The following TP63 variants were observed in gnomAD, a reference collection of about 807,000 sequenced individuals.
The protein encoded by TP63 is tumor protein p63.
A neutral mutation model predicts 82.8 loss-of-function variants in TP63; 17 were observed. That is an observed-to-expected ratio of 0.21 (90% CI 0.14 to 0.31). The LOEUF (loss-of-function observed/expected upper bound fraction) is 0.31. Ranked by LOEUF, TP63 falls within the 10% of genes least tolerant of loss-of-function variation. TP63 has a pLI of 1.00. For missense variants in TP63, 648 were observed against 895.3 expected, an observed-to-expected ratio of 0.72 and a Z score of 3.52; for synonymous variants, 330 against 321.7, an observed-to-expected ratio of 1.03 and a Z score of -0.28.
intron 4 of TP63, among the ~76,000 whole-genome samples, chr3:189,862,345 T>G (rs1265352070): frequency 6.6e-6 from 1 of 152,064 alleles, no homozygotes; most frequent in Non-Finnish European, 1.5e-5. Flanking sequence ...AAAATTAGAT[T>G]CCCACCCCCA....
At chr3:189,661,122 G>A (rs1298595149) in intron 1 of TP63, among the ~76,000 whole-genome samples, 2 of 151,996 alleles carry the variant, frequency 1.3e-5, no homozygotes, top group African/African-American at 2.4e-5. Flanking sequence ...AATAGAAGTA[G>A]TGAGAGTAAG....
intron 4 of TP63, chr3:189,844,439 C>T (rs1181834249): frequency 6.7e-6 from 2 of 296,684 alleles, no homozygotes; most frequent in South Asian, 5.3e-5. Context: ...ACATGTGACA[C>T]CACACCCAGC....
chr3:189,693,095 ATATCT>A (rs1273422375), intron 1 of TP63, among the ~76,000 whole-genome samples: 44 of 152,304 alleles, frequency 2.9e-4, no homozygotes, highest in African/African-American at 1.0e-3. Context: ...CCTTTGGCTT[ATATCT>A]TATCTCAAGC....
chr3:189,886,594 C>T (rs923170866), intron 11 of TP63, 43 bp downstream of exon 11: 2 of 1,610,952 alleles, frequency 1.2e-6, no homozygotes, highest in East Asian at 2.2e-5. Context: ...GATGAACAGG[C>T]TAGCTTAGGA....
chr3:189,715,956 T>C (rs776966758), intron 1 of TP63, among the ~76,000 whole-genome samples: 6 of 152,198 alleles, frequency 3.9e-5, no homozygotes, highest in East Asian at 3.8e-4. Context: ...TTAGCTTAGA[T>C]AGTGATAACA....
chr3:189,740,417 T>A (rs6765015), intron 3 of TP63, among the ~76,000 whole-genome samples: 61,046 of 151,684 alleles, frequency 0.4, 12,414 homozygotes, highest in African/African-American at 0.41. Flanking sequence ...CTCATAAAAG[T>A]TGGCAAAAAG....
At chr3:189,851,928 T>C (rs1715689159) in intron 4 of TP63, among the ~76,000 whole-genome samples, 2 of 151,962 alleles carry the variant, frequency 1.3e-5, no homozygotes, top group Admixed American at 1.3e-4. Flanking sequence ...GAGTATCTGG[T>C]GAGGAGGACG....
intron 1 of TP63, among the ~76,000 whole-genome samples, chr3:189,696,821 T>G (rs188924823): frequency 3.0e-4 from 45 of 152,278 alleles, no homozygotes; most frequent in Non-Finnish European, 6.0e-4. Context: ...CATATGCCTA[T>G]TTGCCTTCTT....
chr3:189,845,606 G>A (rs184091809), intron 4 of TP63, among the ~76,000 whole-genome samples: 103 of 151,572 alleles, frequency 6.8e-4, no homozygotes, highest in Non-Finnish European at 1.2e-3. Flanking sequence ...TAATATGTTC[G>A]TTGGTGTATT....
At chr3:189,829,312 G>A (rs761967554) in intron 4 of TP63, among the ~76,000 whole-genome samples, 9 of 152,124 alleles carry the variant, frequency 5.9e-5, no homozygotes, top group Non-Finnish European at 1.2e-4. Flanking sequence ...CTGTTTCTGA[G>A]CAATACACTA....
chr3:189,790,170 A>G (rs934896685), intron 3 of TP63, among the ~76,000 whole-genome samples: 4 of 152,098 alleles, frequency 2.6e-5, no homozygotes, highest in Non-Finnish European at 5.9e-5. Flanking sequence ...GATACATTGC[A>G]ATGAATCCTC....
chr3:189,829,177 T>C (rs1711910038), intron 4 of TP63, among the ~76,000 whole-genome samples: 2 of 152,194 alleles, frequency 1.3e-5, no homozygotes, highest in African/African-American at 2.4e-5. Context: ...AATCTAACTA[T>C]AGGAGCTGGA....
intron 1 of TP63, among the ~76,000 whole-genome samples, chr3:189,722,137 T>A (rs925364789): frequency 6.6e-6 from 1 of 151,752 alleles, no homozygotes; most frequent in African/African-American, 2.4e-5. Context: ...AGTAATGAGG[T>A]TCAAACAGGC....
At position 189,881,311 on chromosome 3, in the gene TP63, C is replaced by T. The variant is rs1005664438; in HGVS notation, c.1350-5083C>T. Reference sequence around the variant, plus strand: ...AGTTTAGAGAATCTCTGTTTCTTTCCATTTTAAAAACATATTTTAAGATAA... The same window carrying T: ...AGTTTAGAGAATCTCTGTTTCTTTCTATTTTAAAAACATATTTTAAGATAA... On this transcript the variant is annotated intron_variant, in intron 10 of 13. Transcript: ENST00000264731. 2.6e-5 allele frequency: 26 copies of T among 985,080 alleles called. No individual in the cohort carries two copies. The South Asian group carries it at 8.5e-4, about 32-fold the overall frequency. 61.0% of individuals were successfully genotyped at this position (985,080 alleles called of 1,614,324 possible). A position where few individuals can be genotyped will look rare whatever the true frequency, so the allele number is the denominator to read the frequency against.
chr3:189,836,164 G>T (rs934894700), intron 4 of TP63, among the ~76,000 whole-genome samples: 3 of 152,058 alleles, frequency 2.0e-5, no homozygotes, highest in African/African-American at 7.2e-5. Flanking sequence ...GTTAATTTTG[G>T]AAGAAGAGAT....
At chr3:189,818,528 T>C (rs572023226) in intron 4 of TP63, among the ~76,000 whole-genome samples, 5 of 152,236 alleles carry the variant, frequency 3.3e-5, no homozygotes, top group African/African-American at 1.2e-4. Context: ...ATAATTTTGA[T>C]CCATTTCATG....
chr3:189,806,040 CTTTTTTTTTTTTTTT>C (rs34836784), intron 3 of TP63, among the ~76,000 whole-genome samples: 1 of 52,058 alleles, frequency 1.9e-5, no homozygotes, highest in African/African-American at 8.6e-5. Flanking sequence ...GAAGCAAACA[CTTTTTTTTTTTTTTT>C]TTTTTTTTTT....
At chr3:189,629,987 T>C (rs2178413), upstream of TP63, among the ~76,000 whole-genome samples, 140,170 of 152,172 alleles carry the variant, frequency 0.92, 65,698 homozygotes, top group East Asian at 1. Context: ...GGGCTCAGGC[T>C]GGCCTGTTTG....
rs189057464 is a variant in TP63 at position 189,690,770 on chromosome 3, G to A, written c.63-46970G>A. ...ATTTTTATAGAATCCTTCTATTAAT[G>A]CAATTTCTGATCATTACTGGATTAT... On this transcript the variant is annotated intron_variant, in intron 1 of 13. Coordinates refer to ENST00000264731, the MANE Select transcript of TP63 (RefSeq NM_003722.5). Among the ~76,000 whole-genome samples, 269 of 152,236 alleles carry A rather than the reference G, an allele frequency of 1.8e-3. 1 individual carries two copies. The highest frequency in any genetic ancestry group is 2.8e-3 in the Non-Finnish European group (193 of 68,020).
Sources: allele counts gnomAD v4.1 joint callset (sites outside exome capture counted in the v4.1 genomes callset), GRCh38; gene constraint gnomAD v4.1.1; transcripts MANE v1.5; gene names NCBI Gene and HGNC (gene_info 2026-07-23, HGNC 2026-07-21).